IL1RAPL1: variants seen among roughly 807,000 people sequenced by gnomAD.
IL1RAPL1 encodes interleukin 1 receptor accessory protein like 1, also known as interleukin-1 receptor accessory protein-like 1.
In IL1RAPL1, 3 loss-of-function variants were observed where a neutral mutation model predicts 48.4. That is an observed-to-expected ratio of 0.06 (90% CI 0.03 to 0.16). The LOEUF (loss-of-function observed/expected upper bound fraction) is 0.16, where lower values mean the gene tolerates loss of function less well. Among genes scored for constraint, IL1RAPL1 ranks in the 10% least tolerant of loss-of-function variants. IL1RAPL1 has a pLI of 1.00. For missense variants in IL1RAPL1, 349 were observed against 530.6 expected (o/e 0.66, Z 3.36); for synonymous variants, 185 against 187.7 (o/e 0.99, Z 0.12).
At chrX:29,755,242 A>G (rs1472294337) in intron 6 of IL1RAPL1, among the ~76,000 whole-genome samples, 1 of 112,032 alleles carries the variant, frequency 8.9e-6, no homozygotes, top group African/African-American at 3.2e-5. Context: ...CATCTTTGAC[A>G]TTTTCTATTT....
chrX:28,963,013 G>A (rs1477834905), intron 2 of IL1RAPL1, among the ~76,000 whole-genome samples: 2 of 110,236 alleles, frequency 1.8e-5, no homozygotes, highest in Non-Finnish European at 3.8e-5. Flanking sequence ...CTTACTTAGA[G>A]TGCTTTTTGA....
intron 5 of IL1RAPL1, among the ~76,000 whole-genome samples, chrX:29,475,758 G>A (rs1033575260): frequency 2.7e-5 from 3 of 110,896 alleles, no homozygotes; most frequent in Non-Finnish European, 5.7e-5. Context: ...AAGACGAAGC[G>A]CTTATTTCTG....
intron 5 of IL1RAPL1, among the ~76,000 whole-genome samples, chrX:29,512,176 G>A (rs1336074712): frequency 1.8e-5 from 2 of 109,706 alleles, no homozygotes; most frequent in Non-Finnish European, 3.8e-5. Context: ...CTGTATATCC[G>A]TAACATGTAA....
At chrX:29,343,731 G>GT (rs5901918) in intron 3 of IL1RAPL1, among the ~76,000 whole-genome samples, 8 of 108,592 alleles carry the variant, frequency 7.4e-5, no homozygotes, top group East Asian at 2.9e-4. Flanking sequence ...TTGATTTGTA[G>GT]TTTTTTTTTA....
At chrX:28,712,022 G>T (rs1449243572) in intron 1 of IL1RAPL1, among the ~76,000 whole-genome samples, 1 of 111,148 alleles carries the variant, frequency 9.0e-6, no homozygotes, top group East Asian at 2.8e-4. Flanking sequence ...GCAGGTACCT[G>T]CAGGAAGTCA....
At chrX:28,598,629 T>A (rs1276930923) in intron 1 of IL1RAPL1, among the ~76,000 whole-genome samples, 1 of 32,349 alleles carries the variant, frequency 3.1e-5, no homozygotes, top group Non-Finnish European at 6.9e-5. Flanking sequence ...ATTTGTAGGT[T>A]TTTTTTTTTT....
intron 6 of IL1RAPL1, among the ~76,000 whole-genome samples, chrX:29,700,655 T>C (rs6628472): frequency 0.24 from 26,659 of 110,928 alleles, 2,832 homozygotes; most frequent in South Asian, 0.44. Flanking sequence ...GCCGGAAGCT[T>C]ATATTGAAAG....
intron 3 of IL1RAPL1, among the ~76,000 whole-genome samples, chrX:29,320,330 T>A (rs1932795514): frequency 8.9e-6 from 1 of 112,173 alleles, no homozygotes; most frequent in South Asian, 3.7e-4. Context: ...GACCACTGCC[T>A]TATCTATTAA....
At chrX:29,943,165 T>G (rs1196554434) in intron 9 of IL1RAPL1, among the ~76,000 whole-genome samples, 1 of 112,061 alleles carries the variant, frequency 8.9e-6, no homozygotes, top group Admixed American at 9.5e-5. Context: ...AGCAAAACCC[T>G]TTCTTTTTCT....
intron 2 of IL1RAPL1, among the ~76,000 whole-genome samples, chrX:29,217,584 T>G (rs1454054768): frequency 1.8e-5 from 2 of 111,814 alleles, no homozygotes; most frequent in African/African-American, 6.5e-5. Flanking sequence ...CTGCCAGGTA[T>G]TTATCTTAAA....
chrX:29,568,488 A>C (rs1473660592), intron 5 of IL1RAPL1, among the ~76,000 whole-genome samples: 1 of 110,731 alleles, frequency 9.0e-6, no homozygotes, highest in Non-Finnish European at 1.9e-5. Context: ...TTGAGAAAAA[A>C]GTAGCGGATT....
chrX:28,896,900 T>C (rs956133341), intron 2 of IL1RAPL1, among the ~76,000 whole-genome samples: 1 of 111,052 alleles, frequency 9.0e-6, no homozygotes, highest in Admixed American at 9.6e-5. Context: ...ACAAGAATTA[T>C]CTAGATCTTG....
chrX:28,966,295 G>A (rs112016449), intron 2 of IL1RAPL1, among the ~76,000 whole-genome samples: 25 of 111,869 alleles, frequency 2.2e-4, no homozygotes, highest in African/African-American at 7.1e-4. Flanking sequence ...TATTACTCTC[G>A]TTCCTTTTAT....
At chrX:28,635,515 C>T (rs188550881) in intron 1 of IL1RAPL1, among the ~76,000 whole-genome samples, 66 of 111,819 alleles carry the variant, frequency 5.9e-4, no homozygotes, top group South Asian at 3.7e-4. Flanking sequence ...ATGAGATAGT[C>T]AACACTATTT....
Position 29,219,166 on chromosome X carries a change from G to A in IL1RAPL1, c.83-63772G>A, listed in dbSNP as rs761833386. 8.0e-5 allele frequency among the ~76,000 whole-genome samples: 9 copies of A among 112,046 alleles called. No individual in the cohort carries two copies. The South Asian group carries it at 1.9e-3, about 23-fold the overall frequency. On this transcript the variant is annotated intron_variant, in intron 2 of 10. Transcript: ENST00000378993. Reference sequence around the variant, plus strand: ...TTTAGTCCATACCCTTTGATTAATCGATAATTGGGAAATAAGTGAAATGTC... The same window carrying A: ...TTTAGTCCATACCCTTTGATTAATCAATAATTGGGAAATAAGTGAAATGTC...
At chrX:29,221,602 G>A (rs193129715) in intron 2 of IL1RAPL1, among the ~76,000 whole-genome samples, 1 of 95,897 alleles carries the variant, frequency 1.0e-5, no homozygotes, top group Admixed American at 1.2e-4. Context: ...TGCCAAAGGA[G>A]CAATGTATAC....
At chrX:29,718,444 G>A (rs1161167187) in intron 6 of IL1RAPL1, among the ~76,000 whole-genome samples, 5 of 105,794 alleles carry the variant, frequency 4.7e-5, no homozygotes, top group East Asian at 5.9e-4. Context: ...ATCACACACC[G>A]GGGCCTGTTT....
chrX:29,220,468 A>G (rs1213834677), intron 2 of IL1RAPL1, among the ~76,000 whole-genome samples: 5 of 112,356 alleles, frequency 4.5e-5, no homozygotes, highest in African/African-American at 1.6e-4. Flanking sequence ...ATAATTTTGA[A>G]TAATGCTGAA....
At chrX:29,112,004 A>G (rs1162145418) in intron 2 of IL1RAPL1, among the ~76,000 whole-genome samples, 1 of 87,919 alleles carries the variant, frequency 1.1e-5, no homozygotes, top group Admixed American at 1.7e-4. Context: ...ATCTTGGCTT[A>G]CTGCAACCTC....
Sources: allele counts gnomAD v4.1 joint callset (sites outside exome capture counted in the v4.1 genomes callset), GRCh38; gene constraint gnomAD v4.1.1; transcripts MANE v1.5; gene names NCBI Gene and HGNC (gene_info 2026-07-23, HGNC 2026-07-21).